Variants in RAD18 observed in about 807,000 individuals in gnomAD.
RAD18 encodes E3 ubiquitin-protein ligase RAD18.
A neutral mutation model predicts 60.4 loss-of-function variants in RAD18; 47 were observed. The ratio of observed to expected loss-of-function variants is 0.78; its 90% CI spans 0.62 to 0.99. The LOEUF is 0.99. Among genes scored for constraint, RAD18 ranks in the 50% least tolerant of loss-of-function variants. The probability of loss-of-function intolerance (pLI) is 0.00; values close to 1 mark genes in which losing one functional copy is unlikely to be tolerated. For missense variants in RAD18, 640 were observed against 593.3 expected (o/e 1.08, Z -0.82); for synonymous variants, 225 against 195.5 (o/e 1.15, Z -1.26).
intron 7 of RAD18, among the ~76,000 whole-genome samples, chr3:8,916,416 C>A (rs1369422850): frequency 2.0e-5 from 3 of 152,120 alleles, no homozygotes; most frequent in Non-Finnish European, 4.4e-5. Context: ...GGAGAGAGAC[C>A]CTCTCTGAGG....
At chr3:8,881,561 C>T (rs545452321) in intron 12 of RAD18, 102 bp from the exon 13 acceptor site, 78 of 841,782 alleles carry the variant, frequency 9.3e-5, no homozygotes, top group Non-Finnish European at 1.2e-4. Flanking sequence ...ATTAAAACCT[C>T]GAAATAATCC....
intron 11 of RAD18, among the ~76,000 whole-genome samples, chr3:8,893,257 C>T (rs1324315202): frequency 6.6e-6 from 1 of 152,070 alleles, no homozygotes; most frequent in East Asian, 1.9e-4. Flanking sequence ...CAAACATCTG[C>T]TATAAAAATC....
At chr3:8,905,465 TCA>T (rs1251932632) in intron 9 of RAD18, among the ~76,000 whole-genome samples, 1 of 152,182 alleles carries the variant, frequency 6.6e-6, no homozygotes, top group African/African-American at 2.4e-5. Context: ...TAGAAAAGAC[TCA>T]CACCCTTCTA....
intron 4 of RAD18, among the ~76,000 whole-genome samples, chr3:8,945,468 C>CTTTTT (rs375744764): frequency 0.01 from 992 of 96,320 alleles, 15 homozygotes; most frequent in Middle Eastern, 0.023. Flanking sequence ...TTTCCATCTT[C>CTTTTT]TTTTTTTTTT....
At chr3:8,905,984 T>C (rs559197680) in intron 9 of RAD18, among the ~76,000 whole-genome samples, 1 of 152,340 alleles carries the variant, frequency 6.6e-6, no homozygotes, top group African/African-American at 2.4e-5. Context: ...GTCCTTGCTA[T>C]AATTAAAGGC....
chr3:8,946,514 C>T (rs1940842318), intron 4 of RAD18, among the ~76,000 whole-genome samples: 1 of 152,216 alleles, frequency 6.6e-6, no homozygotes, highest in East Asian at 1.9e-4. Flanking sequence ...GTTTGACTTG[C>T]ATGATTAAAA....
intron 7 of RAD18, among the ~76,000 whole-genome samples, chr3:8,930,080 C>T (rs1284406286): frequency 6.6e-6 from 1 of 152,016 alleles, no homozygotes; most frequent in Non-Finnish European, 1.5e-5. Context: ...GGTAAAGACA[C>T]AATAGAAATG....
Position 8,941,483 on chromosome 3 carries a change from C to G in RAD18, c.588G>C (p.Leu196Phe). The G allele has an allele frequency of 1.9e-6, 3 of 1,605,504 alleles. No individual in the cohort carries two copies. The highest frequency in any genetic ancestry group is 2.2e-5 in the South Asian group (2 of 90,512). Reference protein sequence around the residue: ...KRPEPPSTSTLKQVTKVDCPV... With the variant: ...KRPEPPSTSTFKQVTKVDCPV... ...ACTTCCTACCTTTAGTAACTTGTTT[C>G]AAAGTGGATGTCGAGGGTGGCTCAG... Residue 196 changes from leucine (L) to phenylalanine (F), a missense_variant, in exon 5 of 13, where the codon TTG becomes TTC. Leu to Phe is a conservative substitution (Grantham distance 22). Transcript: ENST00000264926.
In RAD18 at chr3:8,877,149, G is replaced by C. The variant is rs866529170; in HGVS notation, c.*4208C>G. On this transcript the variant is annotated 3_prime_UTR_variant, in exon 13 of 13. Coordinates refer to ENST00000264926, the MANE Select transcript of RAD18 (RefSeq NM_020165.4). ...TCAGAAGATGCATGCATCAGTTTCT[G>C]GGTGTCCATTTGTGCTGCCAGAAGA... 6.6e-6 allele frequency: 1 copy of C among 152,220 alleles called. No homozygotes were observed. Among genetic ancestry groups the C allele is most frequent in the Non-Finnish European group, 1.5e-5 (1 of 68,042 alleles). 9.4% of individuals were successfully genotyped at this position (152,220 alleles called of 1,614,324 possible).
At chr3:8,906,119 AAAT>A (rs1162857288) in intron 9 of RAD18, among the ~76,000 whole-genome samples, 1 of 152,192 alleles carries the variant, frequency 6.6e-6, no homozygotes, top group African/African-American at 2.4e-5. Context: ...TTTCTTAATG[AAAT>A]AATAAAGAGA....
intron 12 of RAD18, among the ~76,000 whole-genome samples, chr3:8,882,809 T>C (rs1378275454): frequency 6.6e-6 from 1 of 152,060 alleles, no homozygotes; most frequent in Non-Finnish European, 1.5e-5. Context: ...ACTAGGAAAC[T>C]CCAATCCAGG....
In RAD18 at chr3:8,948,567, C is replaced by T. The variant is rs746085217; in HGVS notation, c.137G>A (p.Cys46Tyr). The T allele has an allele frequency of 2.7e-5, 44 of 1,609,334 alleles. 1 individual carries two copies. Among genetic ancestry groups the T allele is most frequent in the Non-Finnish European group, 4.3e-6 (5 of 1,176,378 alleles). The part of the protein sequence containing the change: ...MIIPQCSHNY[C>Y]SLCIRKFLSY... ...CAGAAATTTTCTTATACAGAGAGAG[C>T]AGTCTGCAAAACACAAAGTGCAACA... Residue 46 changes from cysteine (C) to tyrosine (Y), a missense_variant, in exon 3 of 13, where the codon TGC becomes TAC. Transcript: ENST00000264926.
chr3:8,897,878 C>T (rs1413342399), intron 11 of RAD18, among the ~76,000 whole-genome samples: 1 of 151,090 alleles, frequency 6.6e-6, no homozygotes, highest in African/African-American at 2.4e-5. Context: ...CCAGCCTGGC[C>T]AACACGGTGA....
In RAD18 at chr3:8,941,770, C is replaced by T. The variant is rs768408150; in HGVS notation, c.301G>A (p.Ala101Thr). Residue 101 changes from alanine to threonine, a missense_variant, in exon 5 of 13, where the codon GCC (alanine) becomes ACC (threonine). Transcript: ENST00000264926. ...HLLQFALESPAKSPASSSSKN... is the reference protein window; with the variant it reads ...HLLQFALESPTKSPASSSSKN... ...GAAGAGGAAGAAGCAGGAGATTTGG[C>T]TGGTGACTCTAAAGCAAACTGCAGC... The T allele has an allele frequency of 9.9e-6, 16 of 1,613,840 alleles. No individual in the cohort carries two copies. In the South Asian group the frequency reaches 1.5e-4, roughly 16 times the overall value.
chr3:8,915,858 C>G (rs185653755), intron 7 of RAD18, among the ~76,000 whole-genome samples: 1 of 152,276 alleles, frequency 6.6e-6, no homozygotes, highest in African/African-American at 2.4e-5. Flanking sequence ...GCTGGGATTA[C>G]AGGCGTGAGC....
chr3:8,897,515 G>A (rs1390697865), intron 11 of RAD18, among the ~76,000 whole-genome samples: 1 of 152,162 alleles, frequency 6.6e-6, no homozygotes, highest in Non-Finnish European at 1.5e-5. Flanking sequence ...CCCACCCTGA[G>A]AACGCCCAGT....
intron 9 of RAD18, among the ~76,000 whole-genome samples, chr3:8,911,064 T>C (rs991162156): frequency 2.6e-5 from 4 of 152,208 alleles, no homozygotes; most frequent in Non-Finnish European, 5.9e-5. Flanking sequence ...GATATATCAA[T>C]AGTATAGTTA....
chr3:8,948,852 C>G (rs1414640851), intron 2 of RAD18, among the ~76,000 whole-genome samples: 2 of 152,156 alleles, frequency 1.3e-5, no homozygotes, highest in Non-Finnish European at 2.9e-5. Context: ...AGGAAACATA[C>G]ACTTGGGCTG....
At position 8,941,744 on chromosome 3, in the gene RAD18, T is replaced by C. The variant is rs1475666570; in HGVS notation, c.327A>G (p.Ser109=). Reference sequence around the variant, plus strand: ...TATATACTTTGACAGCAAGATTCTTTGAAGAGGAAGAAGCAGGAGATTTGG... The same window carrying C: ...TATATACTTTGACAGCAAGATTCTTCGAAGAGGAAGAAGCAGGAGATTTGG... ...SPAKSPASSS[S]KNLAVKVYTP... is the part of the protein sequence containing the mutation. The change falls in exon 5 of 13, where the codon TCA becomes TCG. Residue 109 remains serine, a synonymous_variant. Coordinates refer to ENST00000264926, the MANE Select transcript of RAD18 (RefSeq NM_020165.4). The C allele has an allele frequency of 1.2e-6, 2 of 1,614,132 alleles. No individual in the cohort carries two copies. Among genetic ancestry groups the C allele is most frequent in the East Asian group, 4.5e-5 (2 of 44,888 alleles).
Sources: allele counts gnomAD v4.1 joint callset (sites outside exome capture counted in the v4.1 genomes callset), GRCh38; gene constraint gnomAD v4.1.1; transcripts MANE v1.5; gene names NCBI Gene and HGNC (gene_info 2026-07-23, HGNC 2026-07-21).